Variants in MS4A13 observed in about 807,000 individuals in gnomAD.
The protein encoded by MS4A13 is membrane spanning 4-domains A13.
Under a neutral mutation model 18.4 loss-of-function variants are expected in MS4A13, and 21 were observed. The observed-to-expected ratio is 1.14, with a 90% CI of 0.81 to 1.64. The LOEUF (loss-of-function observed/expected upper bound fraction) is 1.64. Among genes scored for constraint, MS4A13 ranks in the 40% most tolerant of loss-of-function variants. The pLI, the probability that MS4A13 is intolerant of heterozygous loss-of-function variation, is 0.00. For missense variants in MS4A13, 173 were observed against 176.8 expected (o/e 0.98, Z 0.12); for synonymous variants, 62 against 57.2 (o/e 1.08, Z -0.38).
At chr11:60,522,197 C>CAGAG in intron 3 of MS4A13, among the ~76,000 whole-genome samples, 1 of 129,904 alleles carries the variant, frequency 7.7e-6, no homozygotes, top group East Asian at 2.6e-4. Flanking sequence ...AAAGATCAGA[C>CAGAG]AGATAGATAG....
At chr11:60,528,653 A>G (rs2086737870) in intron 5 of MS4A13, among the ~76,000 whole-genome samples, 1 of 152,216 alleles carries the variant, frequency 6.6e-6, no homozygotes, top group African/African-American at 2.4e-5. Flanking sequence ...TTATGATGTC[A>G]TTCTTTCTAG....
chr11:60,527,406 C>CTGTGTG (rs1408422219), intron 5 of MS4A13, among the ~76,000 whole-genome samples: 48 of 46,066 alleles, frequency 1.0e-3, no homozygotes, highest in Admixed American at 1.3e-3. Flanking sequence ...CTCTCTCTCT[C>CTGTGTG]TCTCTGTGTG....
In MS4A13 at chr11:60,515,396, C is replaced by A. The variant is rs2086630037; in HGVS notation, c.-340C>A. The A allele has an allele frequency of 6.6e-6, 1 of 152,374 alleles. No homozygotes were observed. Among genetic ancestry groups the A allele is most frequent in the Non-Finnish European group, 1.5e-5 (1 of 68,142 alleles). 9.4% of individuals were successfully genotyped at this position (152,374 alleles called of 1,614,324 possible). A position where few individuals can be genotyped will look rare whatever the true frequency, so the allele number is the denominator to read the frequency against. On this transcript the variant is annotated 5_prime_UTR_variant, in exon 1 of 7. Transcript: ENST00000378186. ...ACACCGTTGCCATTGCAGACCGTCA[C>A]TCCCTGAGGAGCCTGAGAGCCGGCC...
chr11:60,520,901 C>G (rs897340766), intron 3 of MS4A13, among the ~76,000 whole-genome samples: 2 of 152,256 alleles, frequency 1.3e-5, no homozygotes, highest in Non-Finnish European at 2.9e-5. Context: ...CCCGCCCCTG[C>G]AGCAAACTTC....
In MS4A13 at chr11:60,542,600, G is replaced by C. The variant is rs991197014; in HGVS notation, c.*25G>C. ...AAAACCCTAGAAATATGAGAATTTT[G>C]CTGTTGCTGATGCCTGGTGTGGGTC... On this transcript the variant is annotated 3_prime_UTR_variant, in exon 7 of 7. Coordinates refer to ENST00000378186, the MANE Select transcript of MS4A13 (RefSeq NM_001012417.3). 1.3e-6 allele frequency: 2 copies of C among 1,532,086 alleles called. No homozygotes were observed. The highest frequency in any genetic ancestry group is 1.2e-5 in the South Asian group (1 of 86,750). The allele number at this position is 1,532,086 out of a possible 1,614,324, so 94.9% of individuals were successfully genotyped here.
chr11:60,531,175 C>G (rs1002366396), intron 6 of MS4A13, among the ~76,000 whole-genome samples: 1 of 152,074 alleles, frequency 6.6e-6, no homozygotes, highest in Non-Finnish European at 1.5e-5. Context: ...GAACAGAGCT[C>G]AGAAAGTTCC....
At chr11:60,539,189 C>CAAAAAAAAAAAAAAA (rs33947026) in intron 6 of MS4A13, among the ~76,000 whole-genome samples, 1 of 131,410 alleles carries the variant, frequency 7.6e-6, no homozygotes, top group Non-Finnish European at 1.6e-5. Flanking sequence ...AGTGTTGTTT[C>CAAAAAAAAAAAAAAA]AAAAAAAAAA....
At chr11:60,522,223 G>GATGT (rs533331555) in intron 3 of MS4A13, among the ~76,000 whole-genome samples, 1 of 4,670 alleles carries the variant, frequency 2.1e-4, no homozygotes, top group Non-Finnish European at 1.6e-3. Flanking sequence ...TAGATAGATA[G>GATGT]ATAGATAGAT....
intron 5 of MS4A13, among the ~76,000 whole-genome samples, chr11:60,528,950 G>T (rs888382971): frequency 6.6e-6 from 1 of 152,204 alleles, no homozygotes; most frequent in Non-Finnish European, 1.5e-5. Flanking sequence ...AAGAAGGGTT[G>T]TGATTAATAA....
intron 2 of MS4A13, among the ~76,000 whole-genome samples, chr11:60,516,666 AT>A (rs901744412): frequency 2.0e-5 from 3 of 151,682 alleles, no homozygotes; most frequent in African/African-American, 4.8e-5. Context: ...AATCCTTCGC[AT>A]TTTTTTTCCC....
At position 60,538,421 on chromosome 11, in the gene MS4A13, GT is replaced by G. The variant is rs2086828285; in HGVS notation, c.403-4094del. Among the ~76,000 whole-genome samples the G allele has an allele frequency of 2.0e-5, 3 of 151,546 alleles. No homozygotes were observed. The East Asian group carries it at 5.8e-4, about 29-fold the overall frequency. On this transcript the variant is annotated intron_variant, in intron 6 of 6. Transcript: ENST00000378186. ...ACTACCAAAAGAGTTGATTTTAAATGTTTTCATCACAAAGAAAAGTAGTAAG... is the reference window on the plus strand; with the variant it reads ...ACTACCAAAAGAGTTGATTTTAAATGTTTCATCACAAAGAAAAGTAGTAAG...
rs545661516 is a variant in MS4A13, at chr11:60,526,898, G to A, written c.306+1572G>A. Reference sequence around the variant, plus strand: ...CAGTACTCACTGTGTGTAAACCCCTGGAAAAGTTTCTTAACTTAACTGTTT... The same window carrying A: ...CAGTACTCACTGTGTGTAAACCCCTAGAAAAGTTTCTTAACTTAACTGTTT... On this transcript the variant is annotated intron_variant, in intron 5 of 6. Coordinates refer to ENST00000378186, the MANE Select transcript of MS4A13 (RefSeq NM_001012417.3). Among the ~76,000 whole-genome samples the A allele has an allele frequency of 4.6e-5, 7 of 152,182 alleles. No individual in the cohort carries two copies. The East Asian group carries it at 1.4e-3, about 29-fold the overall frequency.
chr11:60,522,457 A>AAGATAGAGAAAGGAGAAAGAAAGAAAGG (rs1284663657), intron 3 of MS4A13, among the ~76,000 whole-genome samples: 17 of 152,210 alleles, frequency 1.1e-4, no homozygotes, highest in Admixed American at 9.2e-4. Flanking sequence ...GTGGAGGAGA[A>AAGATAGAGAAAGGAGAAAGAAAGAAAGG]AGAATGGTTG....
chr11:60,529,497 G>T, intron 6 of MS4A13, 37 bp downstream of exon 6: 5 of 1,224,884 alleles, frequency 4.1e-6, no homozygotes, highest in African/African-American at 1.5e-5. Context: ...ATCAAAAGAT[G>T]TTGATTTCTA....
intron 6 of MS4A13, among the ~76,000 whole-genome samples, chr11:60,535,373 C>T (rs907305474): frequency 4.0e-5 from 4 of 100,068 alleles, no homozygotes; most frequent in Non-Finnish European, 5.8e-5. Flanking sequence ...ATACAAACTA[C>T]CATCAGAGAA....
At chr11:60,521,221 T>G (rs956105897) in intron 3 of MS4A13, among the ~76,000 whole-genome samples, 1 of 152,230 alleles carries the variant, frequency 6.6e-6, no homozygotes, top group African/African-American at 2.4e-5. Context: ...CATGAAGATC[T>G]CAGACATGCC....
At chr11:60,517,837 A>G (rs983272686) in intron 2 of MS4A13, among the ~76,000 whole-genome samples, 1 of 152,160 alleles carries the variant, frequency 6.6e-6, no homozygotes, top group African/African-American at 2.4e-5. Flanking sequence ...GGCCAGAGCT[A>G]CTATTATTGA....
rs1467252366 is a variant in MS4A13 at position 60,525,318 on chromosome 11, G to A, written c.298G>A (p.Gly100Arg). 2 of 1,582,244 alleles carry A rather than the reference G, an allele frequency of 1.3e-6. No homozygotes were observed. Among genetic ancestry groups the A allele is most frequent in the South Asian group, 1.1e-5 (1 of 87,474 alleles). ...TAATTCTGTGTCATACAGGAATTAT[G>A]GACAAGCAGTAAGTGACCAATTCTA... ...HFNSVSYRNY[G>R]QAKLGREVSR... The change falls in exon 5 of 7, where the codon GGA (glycine) becomes AGA (arginine). Residue 100 changes from glycine to arginine, a missense_variant. By Grantham distance (125) the Gly-to-Arg change is moderately radical. Coordinates refer to ENST00000378186, the MANE Select transcript of MS4A13 (RefSeq NM_001012417.3).
intron 3 of MS4A13, among the ~76,000 whole-genome samples, chr11:60,522,258 A>G (rs1428043902): frequency 7.6e-6 from 1 of 130,806 alleles, no homozygotes; most frequent in Non-Finnish European, 1.7e-5. Context: ...ATATAGATAT[A>G]TACACACATA....
Sources: gnomAD v4.1 joint callset for allele counts (sites outside exome capture counted in the v4.1 genomes callset) on GRCh38, gnomAD v4.1.1 for gene constraint, MANE v1.5 for transcripts, NCBI Gene and HGNC (gene_info 2026-07-23, HGNC 2026-07-21) for gene names.